The following SLC4A10 variants were observed in gnomAD, a reference collection of about 807,000 sequenced individuals.
SLC4A10 encodes the protein sodium-driven chloride bicarbonate exchanger.
SLC4A10 carries 42 observed loss-of-function variants against 137.7 expected under a neutral mutation model. The observed-to-expected ratio is 0.30, with a 90% CI of 0.24 to 0.39. SLC4A10 has a LOEUF of 0.39. SLC4A10 is among the 10% of genes least tolerant of loss of function. SLC4A10 has a pLI of 1.00. For synonymous variants in SLC4A10, 474 were observed against 464.1 expected (o/e 1.02, Z -0.27); for missense variants, 925 against 1,355.0 (o/e 0.68, Z 4.98).
intron 3 of SLC4A10, among the ~76,000 whole-genome samples, chr2:161,828,009 T>C (rs2058138410): frequency 6.6e-6 from 1 of 152,324 alleles, no homozygotes; most frequent in Non-Finnish European, 1.5e-5. Flanking sequence ...TTATTCACCA[T>C]TGCTAGCGTC....
At position 161,983,939 on chromosome 2, in the gene SLC4A10, A is replaced by G. The variant is rs1213649352; in HGVS notation, c.*787A>G. ...ACGAAATGCTTTAGAAAAACTTTGT[A>G]ACAGTTTTGTGGGATTTTTCAATAT... is the stretch of plus-strand genomic sequence containing the variant. On this transcript the variant is annotated 3_prime_UTR_variant, in exon 27 of 27. Coordinates refer to ENST00000446997, the MANE Select transcript of SLC4A10 (RefSeq NM_001178015.2). 1 of 152,216 alleles carries G rather than the reference A, an allele frequency of 6.6e-6. No homozygotes were observed. The highest frequency in any genetic ancestry group is 1.5e-5 in the Non-Finnish European group (1 of 68,028). 9.4% of individuals were successfully genotyped at this position (152,216 alleles called of 1,614,324 possible).
At chr2:161,680,223 C>A (rs2040706542) in intron 1 of SLC4A10, among the ~76,000 whole-genome samples, 2 of 152,096 alleles carry the variant, frequency 1.3e-5, no homozygotes, top group Admixed American at 6.6e-5. Context: ...ATTTTCTCTA[C>A]TGGACTGTGA....
chr2:161,786,228 T>G (rs1474566054), intron 2 of SLC4A10, among the ~76,000 whole-genome samples: 2 of 151,908 alleles, frequency 1.3e-5, no homozygotes, highest in African/African-American at 4.8e-5. Context: ...TTTTTTCTGA[T>G]GTAAGAATAG....
intron 2 of SLC4A10, among the ~76,000 whole-genome samples, chr2:161,788,674 C>T (rs777876254): frequency 6.6e-6 from 1 of 152,142 alleles, no homozygotes; most frequent in Non-Finnish European, 1.5e-5. Context: ...GTGGCTACCA[C>T]CAAAATGAGC....
At chr2:161,681,487 A>G (rs549994723) in intron 1 of SLC4A10, among the ~76,000 whole-genome samples, 3 of 152,174 alleles carry the variant, frequency 2.0e-5, no homozygotes, top group South Asian at 4.1e-4. Flanking sequence ...ATTAATATAC[A>G]TTTTCTAATC....
At chr2:161,844,050 A>G (rs1351411261) in intron 4 of SLC4A10, among the ~76,000 whole-genome samples, 1 of 152,160 alleles carries the variant, frequency 6.6e-6, no homozygotes, top group Non-Finnish European at 1.5e-5. Context: ...TATAAATAAC[A>G]TGTAATGTTA....
At chr2:161,755,857 G>C (rs62189045) in intron 1 of SLC4A10, among the ~76,000 whole-genome samples, 12,284 of 149,068 alleles carry the variant, frequency 0.082, 626 homozygotes, top group East Asian at 0.14. Flanking sequence ...TGCAACCTCT[G>C]CCTCCCAGGT....
intron 19 of SLC4A10, among the ~76,000 whole-genome samples, chr2:161,953,330 C>A (rs945169084): frequency 6.6e-6 from 1 of 152,070 alleles, no homozygotes; most frequent in African/African-American, 2.4e-5. Flanking sequence ...TTTTTATTGG[C>A]CAGGCACAGT....
At chr2:161,729,265 A>G (rs1205495698) in intron 1 of SLC4A10, among the ~76,000 whole-genome samples, 1 of 152,216 alleles carries the variant, frequency 6.6e-6, no homozygotes, top group African/African-American at 2.4e-5. Context: ...TTATATCCAC[A>G]AACAACATAA....
At chr2:161,816,720 A>T (rs568837470) in intron 3 of SLC4A10, among the ~76,000 whole-genome samples, 1 of 146,300 alleles carries the variant, frequency 6.8e-6, no homozygotes, top group African/African-American at 2.5e-5. Flanking sequence ...GTGAGTGACA[A>T]CATGCGGTGT....
At chr2:161,697,193 A>G (rs1448398119) in intron 1 of SLC4A10, among the ~76,000 whole-genome samples, 8 of 150,942 alleles carry the variant, frequency 5.3e-5, no homozygotes, top group Non-Finnish European at 1.2e-4. Flanking sequence ...TTCATTGTAG[A>G]TTCTGGATAT....
chr2:161,656,928 C>G (rs1362857276), intron 1 of SLC4A10, among the ~76,000 whole-genome samples: 7 of 151,896 alleles, frequency 4.6e-5, no homozygotes, highest in Non-Finnish European at 7.4e-5. Flanking sequence ...AAATGGTGTT[C>G]TGAACATGAA....
chr2:161,773,962 C>T (rs938304552), intron 2 of SLC4A10, among the ~76,000 whole-genome samples: 2 of 151,674 alleles, frequency 1.3e-5, no homozygotes, highest in African/African-American at 4.8e-5. Context: ...TACTCATCTC[C>T]TCTCCCTTCC....
At chr2:161,729,402 G>A (rs2046591959) in intron 1 of SLC4A10, among the ~76,000 whole-genome samples, 1 of 152,070 alleles carries the variant, frequency 6.6e-6, no homozygotes, top group Non-Finnish European at 1.5e-5. Context: ...GTTCAGAAAG[G>A]TATAGCATAA....
chr2:161,915,220 T>C (rs1420322187), intron 15 of SLC4A10, among the ~76,000 whole-genome samples: 1 of 152,080 alleles, frequency 6.6e-6, no homozygotes, highest in Non-Finnish European at 1.5e-5. Flanking sequence ...GAGAAGCAGC[T>C]TGACTTCAGG....
chr2:161,715,606 C>G (rs943816523), intron 1 of SLC4A10, among the ~76,000 whole-genome samples: 1 of 152,032 alleles, frequency 6.6e-6, no homozygotes, highest in Non-Finnish European at 1.5e-5. Context: ...GTTTTCTGTT[C>G]CTGCGTTAGT....
At chr2:161,900,582 C>A (rs1363953540) in intron 11 of SLC4A10, among the ~76,000 whole-genome samples, 1 of 152,004 alleles carries the variant, frequency 6.6e-6, no homozygotes, top group African/African-American at 2.4e-5. Flanking sequence ...TCTTGCCCAC[C>A]TTTGCAGCTC....
At chr2:161,767,217 C>T (rs13034989) in intron 1 of SLC4A10, among the ~76,000 whole-genome samples, 1,007 of 92,308 alleles carry the variant, frequency 0.011, 18 homozygotes, top group African/African-American at 0.032. Context: ...TATATATACA[C>T]ATATATATAT....
intron 12 of SLC4A10, among the ~76,000 whole-genome samples, chr2:161,903,206 A>G (rs1374693373): frequency 6.6e-6 from 1 of 152,212 alleles, no homozygotes; most frequent in East Asian, 1.9e-4. Context: ...ATTATCTTTC[A>G]AGTGTTTCAA....
Sources: gnomAD v4.1 joint callset for allele counts (sites outside exome capture counted in the v4.1 genomes callset) on GRCh38, gnomAD v4.1.1 for gene constraint, MANE v1.5 for transcripts, NCBI Gene and HGNC (gene_info 2026-07-23, HGNC 2026-07-21) for gene names.